The following LARGE1 variants were observed in gnomAD, a reference collection of about 807,000 sequenced individuals.
LARGE1 encodes LARGE xylosyl- and glucuronyltransferase 1, also known as xylosyl- and glucuronyltransferase LARGE1.
In LARGE1, 43 loss-of-function variants were observed where a neutral mutation model predicts 87.6. The ratio of observed to expected loss-of-function variants is 0.49; its 90% CI spans 0.38 to 0.63. The LOEUF is 0.63. Among genes scored for constraint, LARGE1 ranks in the 30% least tolerant of loss-of-function variants. The probability of loss-of-function intolerance (pLI) is 0.00; values close to 1 mark genes in which losing one functional copy is unlikely to be tolerated. For missense variants in LARGE1, 802 were observed against 1,000.2 expected, an observed-to-expected ratio of 0.80 and a Z score of 2.67; for synonymous variants, 434 against 394.6, an observed-to-expected ratio of 1.10 and a Z score of -1.18.
intron 1 of LARGE1, among the ~76,000 whole-genome samples, chr22:33,849,599 T>C (rs2146491927): frequency 7.3e-6 from 1 of 136,302 alleles, no homozygotes; most frequent in East Asian, 2.0e-4. Flanking sequence ...TCTCTTTTTT[T>C]TTTTTTTTTT....
intron 4 of LARGE1, among the ~76,000 whole-genome samples, chr22:33,621,517 T>C (rs1222672363): frequency 1.3e-5 from 2 of 152,206 alleles, no homozygotes; most frequent in African/African-American, 4.8e-5. Context: ...ATAAATCTAA[T>C]TACTATAATT....
At chr22:33,736,077 C>G (rs2083645959) in intron 2 of LARGE1, among the ~76,000 whole-genome samples, 1 of 152,194 alleles carries the variant, frequency 6.6e-6, no homozygotes, top group Non-Finnish European at 1.5e-5. Flanking sequence ...TCTTGGTTAT[C>G]ATGAATAATG....
chr22:33,508,512 C>T (rs1270518161), intron 6 of LARGE1, among the ~76,000 whole-genome samples: 2 of 152,200 alleles, frequency 1.3e-5, no homozygotes, highest in African/African-American at 4.8e-5. Context: ...TGAAAATTCT[C>T]TTTCCTTGGT....
At chr22:33,684,871 T>G (rs1379295602) in intron 2 of LARGE1, among the ~76,000 whole-genome samples, 4 of 152,212 alleles carry the variant, frequency 2.6e-5, no homozygotes, top group Non-Finnish European at 5.9e-5. Flanking sequence ...CCCCCACTTT[T>G]TCAACCAAGG....
chr22:33,283,385 G>A (rs928938531), intron 12 of LARGE1, 37 bp from the exon 13 acceptor site: 4 of 1,613,036 alleles, frequency 2.5e-6, no homozygotes, highest in African/African-American at 2.7e-5. Flanking sequence ...CAGAGTCCCT[G>A]TGACACCAGG....
At chr22:33,683,777 G>A (rs1156327777) in intron 2 of LARGE1, among the ~76,000 whole-genome samples, 1 of 152,284 alleles carries the variant, frequency 6.6e-6, no homozygotes, top group East Asian at 1.9e-4. Context: ...GCCAGTCAGG[G>A]TCCATTGCCT....
intron 3 of LARGE1, among the ~76,000 whole-genome samples, chr22:33,626,854 G>A (rs1360345749): frequency 6.6e-6 from 1 of 152,192 alleles, no homozygotes; most frequent in South Asian, 2.1e-4. Context: ...TGGCAGAATT[G>A]AAGGGAACCC....
At chr22:33,680,482 C>T (rs1050167466) in intron 2 of LARGE1, among the ~76,000 whole-genome samples, 10 of 148,654 alleles carry the variant, frequency 6.7e-5, no homozygotes, top group East Asian at 5.8e-4. Context: ...CAGAAGAGAC[C>T]TTTGATGCAC....
At chr22:33,732,001 C>T (rs1282029149) in intron 2 of LARGE1, among the ~76,000 whole-genome samples, 1 of 152,152 alleles carries the variant, frequency 6.6e-6, no homozygotes, top group African/African-American at 2.4e-5. Flanking sequence ...AAATGCCTTG[C>T]TTTTATTCAG....
chr22:33,785,004 T>TATGTGTATACAC (rs1408978704), intron 1 of LARGE1, among the ~76,000 whole-genome samples: 1 of 145,418 alleles, frequency 6.9e-6, no homozygotes, highest in African/African-American at 2.8e-5. Context: ...TGTATATACA[T>TATGTGTATACAC]ATATGTGTAT....
At chr22:33,817,902 G>A (rs897255069) in intron 1 of LARGE1, among the ~76,000 whole-genome samples, 4 of 131,126 alleles carry the variant, frequency 3.1e-5, no homozygotes, top group Non-Finnish European at 7.2e-5. Context: ...GAAGCTGAAG[G>A]AGGGAGGAAA....
intron 6 of LARGE1, among the ~76,000 whole-genome samples, chr22:33,496,352 G>A (rs2070117332): frequency 6.6e-6 from 1 of 152,098 alleles, no homozygotes; most frequent in African/African-American, 2.4e-5. Flanking sequence ...CAATCAAGTT[G>A]ACACTCAATC....
intron 1 of LARGE1, among the ~76,000 whole-genome samples, chr22:33,863,554 G>C (rs918483903): frequency 1.3e-5 from 2 of 150,094 alleles, no homozygotes; most frequent in African/African-American, 2.5e-5. Flanking sequence ...TCAGGAGTTC[G>C]AGACCAGCCT....
intron 6 of LARGE1, among the ~76,000 whole-genome samples, chr22:33,539,270 C>G (rs1047172055): frequency 6.7e-6 from 1 of 149,714 alleles, no homozygotes; most frequent in East Asian, 1.9e-4. Flanking sequence ...AAAAAAAAGG[C>G]AAGTCCTGGT....
chr22:33,789,893 C>T (rs1446377558), intron 1 of LARGE1, among the ~76,000 whole-genome samples: 1 of 152,176 alleles, frequency 6.6e-6, no homozygotes, highest in Non-Finnish European at 1.5e-5. Context: ...AGCCTTGTCT[C>T]AGATGAGACT....
chr22:33,582,328 G>C (rs1451506270), intron 5 of LARGE1, among the ~76,000 whole-genome samples: 1 of 151,988 alleles, frequency 6.6e-6, no homozygotes, highest in Non-Finnish European at 1.5e-5. Context: ...TGGTACAGGA[G>C]AGTACACATT....
At chr22:33,362,943 A>G (rs2064440117) in intron 9 of LARGE1, among the ~76,000 whole-genome samples, 1 of 150,310 alleles carries the variant, frequency 6.7e-6, no homozygotes, top group South Asian at 2.2e-4. Context: ...AGGGTGGTTT[A>G]TGCAAGATAA....
chr22:33,852,502 A>G (rs973959812), intron 1 of LARGE1, among the ~76,000 whole-genome samples: 2 of 152,108 alleles, frequency 1.3e-5, no homozygotes, highest in Admixed American at 1.3e-4. Flanking sequence ...TTTTGTCTAT[A>G]AAAATAAACA....
chr22:33,272,158 T>C (rs1217050548), downstream of LARGE1, among the ~76,000 whole-genome samples: 4 of 152,240 alleles, frequency 2.6e-5, no homozygotes, highest in Non-Finnish European at 5.9e-5. Flanking sequence ...ATTTTTAACA[T>C]TGAGGAACCA....
Sources: gnomAD v4.1 joint callset for allele counts (sites outside exome capture counted in the v4.1 genomes callset) on GRCh38, gnomAD v4.1.1 for gene constraint, MANE v1.5 for transcripts, NCBI Gene and HGNC (gene_info 2026-07-23, HGNC 2026-07-21) for gene names.